Variants in MRO observed in about 807,000 individuals in gnomAD.
MRO encodes the protein maestro, also known as protein maestro.
Under a neutral mutation model 31.0 loss-of-function variants are expected in MRO, and 28 were observed. That is an observed-to-expected ratio of 0.90 (90% CI 0.67 to 1.24). The LOEUF is 1.24. MRO is among the 50% of genes most tolerant of loss of function. The pLI is 0.00. For missense variants in MRO, 332 were observed against 289.2 expected, an observed-to-expected ratio of 1.15 and a Z score of -1.07; for synonymous variants, 108 against 108.4, an observed-to-expected ratio of 1.00 and a Z score of 0.02.
intron 2 of MRO, among the ~76,000 whole-genome samples, chr18:50,814,937 T>G (rs565297031): frequency 6.6e-6 from 1 of 152,268 alleles, no homozygotes; most frequent in Admixed American, 6.5e-5. Flanking sequence ...GGCACGTGCC[T>G]GTAATCCCAG....
rs1436386178 is a variant in MRO at position 50,796,450 on chromosome 18, TAA to T, written c.*2885_*2886del. On this transcript the variant is annotated 3_prime_UTR_variant, in exon 8 of 8. Transcript: ENST00000398439. ...AAAAAAAAACTTTTCAGATAAGATA[TAA>T]GTGGTATAATATTGCTAGAATGTTC... The T allele has an allele frequency of 6.6e-6, 1 of 151,292 alleles. No individual in the cohort carries two copies. The highest frequency in any genetic ancestry group is 1.5e-5 in the Non-Finnish European group (1 of 67,854). 9.4% of individuals were successfully genotyped at this position (151,292 alleles called of 1,614,324 possible). A position where few individuals can be genotyped will look rare whatever the true frequency, so the allele number is the denominator to read the frequency against.
chr18:50,811,746 CTTTTTTT>C lies in MRO; in HGVS notation c.-4-2349_-4-2343del, dbSNP rs71171344. 7.7e-3 allele frequency among the ~76,000 whole-genome samples: 615 copies of C among 80,158 alleles called. 3 individuals are homozygous for C. The highest frequency in any genetic ancestry group is 0.027 in the African/African-American group (570 of 21,156). 52.6% of individuals were successfully genotyped at this position (80,158 alleles called of 152,430 possible). On this transcript the variant is annotated intron_variant, in intron 2 of 7. Transcript: ENST00000398439. The stretch of plus-strand genomic sequence containing the variant: ...AGAATTGCTGAGTCATGTGGTAATT[CTTTTTTT>C]TTTTTTTTTTTTTTTTTTGAGACAG...
chr18:50,811,037 A>T (rs1435766272), intron 2 of MRO, among the ~76,000 whole-genome samples: 1 of 152,180 alleles, frequency 6.6e-6, no homozygotes, highest in Non-Finnish European at 1.5e-5. Flanking sequence ...CAGAGCGTAT[A>T]TGACACATTG....
chr18:50,813,852 G>A (rs1914666361), intron 2 of MRO, among the ~76,000 whole-genome samples: 1 of 152,136 alleles, frequency 6.6e-6, no homozygotes, highest in Admixed American at 6.5e-5. Context: ...TGGAGGGTGG[G>A]AGGAGGGTGA....
At chr18:50,804,192 GCCTAGCACTGTGCCTGGCA>G (rs1401676440) in intron 5 of MRO, among the ~76,000 whole-genome samples, 2 of 150,902 alleles carry the variant, frequency 1.3e-5, no homozygotes, top group African/African-American at 4.8e-5. Context: ...CATGTAAATT[GCCTAGCACTGTGCCTGGCA>G]CACAGTGAGG....
At position 50,797,975 on chromosome 18, in the gene MRO, G is replaced by C. The variant is rs1367716271; in HGVS notation, c.*1362C>G. The C allele has an allele frequency of 6.6e-6, 1 of 152,424 alleles. No individual in the cohort carries two copies. Among genetic ancestry groups the C allele is most frequent in the Non-Finnish European group, 1.5e-5 (1 of 68,068 alleles). The allele number at this position is 152,424 out of a possible 1,614,324, so 9.4% of individuals were successfully genotyped here. ...CCCCGCATCTGTGTCACACCACCCT[G>C]TCCCTGGGAGCTACAGCAGAAAATT... is the stretch of plus-strand genomic sequence containing the variant. On this transcript the variant is annotated 3_prime_UTR_variant, in exon 8 of 8. Transcript: ENST00000398439.
Position 50,805,285 on chromosome 18 carries a change from C to T in MRO, c.298G>A (p.Asp100Asn), listed in dbSNP as rs1913811356. 6.2e-7 allele frequency: 1 copy of T among 1,614,106 alleles called. No individual in the cohort carries two copies. Among genetic ancestry groups the T allele is most frequent in the Admixed American group, 1.7e-5 (1 of 60,024 alleles). ...TGGATGACTTCCAAATTCACAGGGT[C>T]ATACAGTCCATACACCAGCAGGTCG... ...VLDLLVYGLYDPVNLEVIHES... is the reference protein window; with the variant it reads ...VLDLLVYGLYNPVNLEVIHES... The change falls in exon 5 of 8, where the codon GAC (aspartate) becomes AAC (asparagine). Residue 100 changes from aspartate to asparagine, a missense_variant. Transcript: ENST00000398439.
chr18:50,806,667 C>T, intron 4 of MRO, 37 bp downstream of exon 4: 1 of 1,613,336 alleles, frequency 6.2e-7, no homozygotes, highest in Non-Finnish European at 8.5e-7. Flanking sequence ...GTTGGAGAGG[C>T]TTGGGGAGCT....
intron 2 of MRO, chr18:50,815,537 G>T: frequency 3.2e-6 from 1 of 313,670 alleles, no homozygotes; most frequent in South Asian, 3.1e-5. Flanking sequence ...TGGCAGTGGT[G>T]GATGATATGA....
rs1912817099 is a variant in MRO at position 50,796,637 on chromosome 18, A to C, written c.*2700T>G. On this transcript the variant is annotated 3_prime_UTR_variant, in exon 8 of 8. Transcript: ENST00000398439. ...GGTGAGCAGGGAGGGGACTCAACAC[A>C]GAAATAGCAGACTGAGCAAAGGTGA... 6.6e-6 allele frequency: 1 copy of C among 152,364 alleles called. No individual in the cohort carries two copies. The highest frequency in any genetic ancestry group is 2.4e-5 in the African/African-American group (1 of 41,418). The allele number at this position is 152,364 out of a possible 1,614,324, so 9.4% of individuals were successfully genotyped here. A position where few individuals can be genotyped will look rare whatever the true frequency, so the allele number is the denominator to read the frequency against.
rs1390846870 is a variant in MRO at position 50,798,040 on chromosome 18, T to C, written c.*1297A>G. 1.3e-5 allele frequency: 2 copies of C among 152,266 alleles called. No individual in the cohort carries two copies. Among genetic ancestry groups the C allele is most frequent in the Non-Finnish European group, 2.9e-5 (2 of 68,050 alleles). The allele number at this position is 152,266 out of a possible 1,614,324, so 9.4% of individuals were successfully genotyped here. ...CAGAATGCCACTTAAGATCCAGCTATAGCTTTTATAATCCCCCGTGTTTTA... is the reference window on the plus strand; with the variant it reads ...CAGAATGCCACTTAAGATCCAGCTACAGCTTTTATAATCCCCCGTGTTTTA... On this transcript the variant is annotated 3_prime_UTR_variant, in exon 8 of 8. Transcript: ENST00000398439.
At chr18:50,816,761 G>GA (rs1348259531) in intron 2 of MRO, among the ~76,000 whole-genome samples, 6 of 152,160 alleles carry the variant, frequency 3.9e-5, no homozygotes, top group African/African-American at 1.2e-4. Flanking sequence ...ACCTTCAAAT[G>GA]AAAAAATCTC....
chr18:50,805,032 C>T (rs1161368794), intron 5 of MRO, 122 bp downstream of exon 5: 2 of 633,452 alleles, frequency 3.2e-6, no homozygotes, highest in East Asian at 5.9e-5. Flanking sequence ...CCTCGTGATC[C>T]CACCCGCCTC....
At chr18:50,804,833 C>G (rs1298005829) in intron 5 of MRO, among the ~76,000 whole-genome samples, 1 of 151,992 alleles carries the variant, frequency 6.6e-6, no homozygotes, top group African/African-American at 2.4e-5. Flanking sequence ...TGCTCTATTG[C>G]CAGGCTGGAG....
intron 2 of MRO, among the ~76,000 whole-genome samples, chr18:50,819,085 A>G (rs1231394529): frequency 6.6e-6 from 1 of 151,592 alleles, no homozygotes; most frequent in Non-Finnish European, 1.5e-5. Flanking sequence ...ATATTAAAAA[A>G]ATCGTCTTCA....
intron 2 of MRO, among the ~76,000 whole-genome samples, chr18:50,816,357 T>C (rs2144665728): frequency 6.6e-6 from 1 of 152,352 alleles, no homozygotes; most frequent in East Asian, 1.9e-4. Context: ...TTTCTTTTCA[T>C]TACATCAGGT....
At chr18:50,808,313 C>T (rs2144625179) in intron 3 of MRO, among the ~76,000 whole-genome samples, 1 of 152,168 alleles carries the variant, frequency 6.6e-6, no homozygotes, top group South Asian at 2.1e-4. Flanking sequence ...AGCCACCTCC[C>T]TACCATCCTT....
rs975281639 is a variant in MRO, at chr18:50,798,904, A to G, written c.*433T>C. 1 of 152,866 alleles carries G rather than the reference A, an allele frequency of 6.5e-6. No homozygotes were observed. The highest frequency in any genetic ancestry group is 1.4e-5 in the Non-Finnish European group (1 of 69,630). The allele number at this position is 152,866 out of a possible 1,614,324, so 9.5% of individuals were successfully genotyped here. ...CAATAGCAAAGTATCAATAGCAAAT[A>G]CACTAAAAAAAAACAAAACAACAAC... On this transcript the variant is annotated 3_prime_UTR_variant, in exon 8 of 8. Transcript: ENST00000398439.
chr18:50,806,583 G>T, intron 4 of MRO, 121 bp downstream of exon 4: 3 of 1,235,734 alleles, frequency 2.4e-6, no homozygotes, highest in South Asian at 1.4e-5. Flanking sequence ...GTGTGCGGTG[G>T]TTTGTTCCGG....
Sources: gnomAD v4.1 joint callset for allele counts (sites outside exome capture counted in the v4.1 genomes callset) on GRCh38, gnomAD v4.1.1 for gene constraint, MANE v1.5 for transcripts, NCBI Gene and HGNC (gene_info 2026-07-23, HGNC 2026-07-21) for gene names.